UNC80: variants seen among roughly 807,000 people sequenced by gnomAD.
UNC80 encodes the protein protein unc-80 homolog.
UNC80 carries 164 observed loss-of-function variants against 384.6 expected under a neutral mutation model. The observed-to-expected ratio is 0.43, with a 90% CI of 0.38 to 0.49. The LOEUF is 0.49. Among genes scored for constraint, UNC80 ranks in the 20% least tolerant of loss-of-function variants. UNC80 has a pLI of 0.00. For synonymous variants in UNC80, 1,486 were observed against 1,527.8 expected, an observed-to-expected ratio of 0.97 and a Z score of 0.64; for missense variants, 3,330 against 4,143.0, an observed-to-expected ratio of 0.80 and a Z score of 5.39.
At chr2:209,909,627 G>A (rs944226948) in intron 29 of UNC80, among the ~76,000 whole-genome samples, 2 of 152,152 alleles carry the variant, frequency 1.3e-5, no homozygotes, top group African/African-American at 4.8e-5. Context: ...ATTTGAGGGG[G>A]CCATCTCTTC....
In UNC80 at chr2:209,945,051, G is replaced by C; in HGVS notation, c.7051G>C (p.Asp2351His). Reference protein sequence around the residue: ...ASVAPLLEFPDAANNGPSKGV... With the variant: ...ASVAPLLEFPHAANNGPSKGV... ...AACAAAAATTGTTTTTCTTTATCAG[G>C]ATGCTGCCAATAATGGGCCCAGCAA... The change falls in exon 46 of 65, where the codon GAT (aspartate) becomes CAT (histidine). Residue 2351 changes from aspartate (D) to histidine (H), a missense_variant and splice_region_variant. This residue lies in a region of UNC80 where 1,049 missense variants were observed against 1,488.6 expected (regional missense o/e 0.70). Transcript: ENST00000673920. The C allele has an allele frequency of 6.4e-7, 1 of 1,550,738 alleles. No individual in the cohort carries two copies. Among genetic ancestry groups the C allele is most frequent in the Non-Finnish European group, 8.7e-7 (1 of 1,146,566 alleles).
Position 209,825,964 on chromosome 2 carries a change from G to A in UNC80, c.2389G>A (p.Val797Met), listed in dbSNP as rs796216121. Residue 797 changes from valine (V) to methionine (M), a missense_variant, in exon 14 of 65, where the codon GTG (valine) becomes ATG (methionine). Coordinates refer to ENST00000673920, the MANE Select transcript of UNC80 (RefSeq NM_001371986.1). ...RLALTMLIKI[V>M]KSLGCAYGCG... Reference sequence around the variant, plus strand: ...TGCTCTAACAATGCTCATCAAAATAGTGAAGTCTTTGGGATGTGCCTATGG... The same window carrying A: ...TGCTCTAACAATGCTCATCAAAATAATGAAGTCTTTGGGATGTGCCTATGG... 9 of 1,550,996 alleles carry A rather than the reference G, an allele frequency of 5.8e-6. No homozygotes were observed. Among genetic ancestry groups the A allele is most frequent in the Non-Finnish European group, 7.8e-6 (9 of 1,146,536 alleles).
intron 61 of UNC80, among the ~76,000 whole-genome samples, chr2:209,985,814 T>A (rs2093275555): frequency 6.6e-6 from 1 of 152,210 alleles, no homozygotes. Flanking sequence ...CCGTGTTTAT[T>A]GCTTTATCAC....
intron 25 of UNC80, among the ~76,000 whole-genome samples, chr2:209,882,174 G>A (rs1311635637): frequency 6.6e-6 from 1 of 151,920 alleles, no homozygotes; most frequent in Admixed American, 6.6e-5. Flanking sequence ...CACCATGTTA[G>A]CCGGGATGGT....
intron 58 of UNC80, among the ~76,000 whole-genome samples, chr2:209,977,436 A>T (rs2093040935): frequency 6.6e-6 from 1 of 152,234 alleles, no homozygotes; most frequent in South Asian, 2.1e-4. Flanking sequence ...GAAGGGGGAC[A>T]TTCATTTATT....
rs951383561 is a variant in UNC80, at chr2:209,959,718, C to T, written c.7805+11C>T. 22 of 1,549,550 alleles carry T rather than the reference C, an allele frequency of 1.4e-5. No individual in the cohort carries two copies. Among genetic ancestry groups the T allele is most frequent in the Middle Eastern group, 1.9e-4 (1 of 5,228 alleles). On this transcript the variant is annotated intron_variant, in intron 51 of 64. Transcript: ENST00000673920. ...GAAGTCTCACATGAGGTACTGGCCT[C>T]GCTTTCCCTGCCCCAAGTGTGAACA...
intron 22 of UNC80, among the ~76,000 whole-genome samples, chr2:209,852,203 T>C (rs2082582603): frequency 6.6e-6 from 1 of 151,934 alleles, no homozygotes; most frequent in African/African-American, 2.4e-5. Flanking sequence ...GTAGTAGGAG[T>C]TCCTTTCATA....
intron 4 of UNC80, among the ~76,000 whole-genome samples, chr2:209,781,043 C>T (rs990448296): frequency 2.0e-5 from 3 of 152,188 alleles, no homozygotes; most frequent in Non-Finnish European, 4.4e-5. Context: ...GATTTTTCCC[C>T]TCAGGTTCCC....
intron 31 of UNC80, among the ~76,000 whole-genome samples, chr2:209,917,275 A>G (rs2089625465): frequency 6.6e-6 from 1 of 152,078 alleles, no homozygotes; most frequent in Admixed American, 6.5e-5. Flanking sequence ...ATAATTTTTC[A>G]TGGTATTATG....
chr2:209,967,594 T>C lies in UNC80; in HGVS notation c.7963T>C (p.Leu2655=), dbSNP rs186441573. The change falls in exon 52 of 65, where the codon TTG becomes CTG. Residue 2655 remains leucine, a synonymous_variant. Coordinates refer to ENST00000673920, the MANE Select transcript of UNC80 (RefSeq NM_001371986.1). ...GGCCCTCATCCTCATTTTAAAAAGA[T>C]TGGATAGAATGTTCAACAAAATTCA... ...RPALILILKR[L]DRMFNKIHKM... 361 of 1,551,582 alleles carry C rather than the reference T, an allele frequency of 2.3e-4. 3 individuals carry two copies. In the East Asian group the frequency reaches 8.7e-3, roughly 37 times the overall value.
At chr2:209,808,835 C>T (rs914902113) in intron 7 of UNC80, 1 of 346,208 alleles carries the variant, frequency 2.9e-6, no homozygotes, top group Non-Finnish European at 5.5e-6. Context: ...AGGAAGCTCC[C>T]TGACCCTGAT....
chr2:209,820,668 A>G lies in UNC80; in HGVS notation c.2320A>G (p.Asn774Asp). ...GGGPYEKNDK[N>D]QEKDESTPVS... ...CGGCCCTTATGAGAAGAATGATAAGAACCAAGAGAAGGTATGACTGAACCA... is the reference window on the plus strand; with the variant it reads ...CGGCCCTTATGAGAAGAATGATAAGGACCAAGAGAAGGTATGACTGAACCA... Residue 774 changes from asparagine to aspartate, a missense_variant, in exon 13 of 65, where the codon AAC (asparagine) becomes GAC (aspartate). By Grantham distance (23) the Asn-to-Asp change is conservative (BLOSUM62 1). Around this residue, in one of 8 missense-constraint regions of UNC80, gnomAD observed 937 missense variants for 1,026.8 expected, o/e 0.91. Coordinates refer to ENST00000673920, the MANE Select transcript of UNC80 (RefSeq NM_001371986.1). 1.9e-6 allele frequency: 3 copies of G among 1,541,638 alleles called. No homozygotes were observed. Among genetic ancestry groups the G allele is most frequent in the Non-Finnish European group, 2.6e-6 (3 of 1,142,610 alleles).
In UNC80 at chr2:209,889,667, G is replaced by A. The variant is rs542946692; in HGVS notation, c.4276+1407G>A. ...AGCCCGCCACCCACGGACAGGCCCC[G>A]GTGAGTGATGTTCCCCTCCCTATGT... On this transcript the variant is annotated intron_variant, in intron 26 of 64. Coordinates refer to ENST00000673920, the MANE Select transcript of UNC80 (RefSeq NM_001371986.1). Among the ~76,000 whole-genome samples, 10 of 152,168 alleles carry A rather than the reference G, an allele frequency of 6.6e-5. No individual in the cohort carries two copies. The East Asian group carries it at 9.7e-4, about 15-fold the overall frequency.
chr2:209,991,222 G>A (rs2093385502), intron 61 of UNC80, among the ~76,000 whole-genome samples: 1 of 152,178 alleles, frequency 6.6e-6, no homozygotes, highest in Non-Finnish European at 1.5e-5. Flanking sequence ...TTTTGCAAAG[G>A]CAAAGCAGAA....
chr2:209,825,223 G>A (rs1416082925), intron 13 of UNC80, among the ~76,000 whole-genome samples: 1 of 152,118 alleles, frequency 6.6e-6, no homozygotes, highest in African/African-American at 2.4e-5. Flanking sequence ...ATTCAAGGAA[G>A]TTCCTTTTTT....
At chr2:209,887,417 G>T (rs2124906270) in intron 25 of UNC80, among the ~76,000 whole-genome samples, 1 of 152,180 alleles carries the variant, frequency 6.6e-6, no homozygotes, top group East Asian at 1.9e-4. Flanking sequence ...CTACAGCCTG[G>T]AAAGGCTCTC....
intron 22 of UNC80, among the ~76,000 whole-genome samples, chr2:209,859,655 CAA>C (rs1287716471): frequency 6.6e-6 from 1 of 152,120 alleles, no homozygotes; most frequent in African/African-American, 2.4e-5. Flanking sequence ...TTGACAGTGT[CAA>C]AGTGTTCCTA....
chr2:209,963,009 T>A (rs2125004522), intron 51 of UNC80, among the ~76,000 whole-genome samples: 1 of 152,350 alleles, frequency 6.6e-6, no homozygotes, highest in South Asian at 2.1e-4. Context: ...CCAAAATAAT[T>A]TGAATCAAAC....
In UNC80 at chr2:209,943,433, C is replaced by T. The variant is rs997183102; in HGVS notation, c.6969C>T (p.Ala2323=). ...NPQLRQAIEF[A]CHQFYILHRK... Reference sequence around the variant, plus strand: ...AGCTGCGTCAAGCCATCGAATTTGCCTGTCACCAGTTCTATATTCTACACC... The same window carrying T: ...AGCTGCGTCAAGCCATCGAATTTGCTTGTCACCAGTTCTATATTCTACACC... Residue 2323 remains alanine, a synonymous_variant, in exon 45 of 65, where the codon GCC becomes GCT. Coordinates refer to ENST00000673920, the MANE Select transcript of UNC80 (RefSeq NM_001371986.1). 6 of 1,552,078 alleles carry T rather than the reference C, an allele frequency of 3.9e-6. No individual in the cohort carries two copies. The African/African-American group carries it at 8.2e-5, about 21-fold the overall frequency.
Sources: gnomAD v4.1 joint callset for allele counts (sites outside exome capture counted in the v4.1 genomes callset) on GRCh38, gnomAD v4.1.1 for gene constraint, gnomAD v4.1.1 regional missense constraint, MANE v1.5 for transcripts, NCBI Gene and HGNC (gene_info 2026-07-23, HGNC 2026-07-21) for gene names.